Variants in TRPM3 observed in about 807,000 individuals in gnomAD.
TRPM3 encodes long transient receptor potential channel 3.
In TRPM3, 77 loss-of-function variants were observed where a neutral mutation model predicts 181.2. The ratio of observed to expected loss-of-function variants is 0.42; its 90% confidence interval spans 0.35 to 0.51. The LOEUF is 0.51. Ranked by LOEUF, TRPM3 falls within the 20% of genes least tolerant of loss-of-function variation. TRPM3 has a pLI of 0.01. For synonymous variants in TRPM3, 745 were observed against 796.4 expected, an observed-to-expected ratio of 0.94 and a Z score of 1.09; for missense variants, 1,759 against 2,196.7, an observed-to-expected ratio of 0.80 and a Z score of 3.98.
intron 1 of TRPM3, among the ~76,000 whole-genome samples, chr9:71,149,362 T>C (rs982009217): frequency 1.3e-5 from 2 of 152,064 alleles, no homozygotes; most frequent in Admixed American, 1.3e-4. Context: ...ATGATCATGC[T>C]ACTACACTCC....
intron 1 of TRPM3, among the ~76,000 whole-genome samples, chr9:71,078,178 C>T (rs1223891290): frequency 6.6e-6 from 1 of 151,994 alleles, no homozygotes; most frequent in Admixed American, 6.6e-5. Flanking sequence ...ATCTAGAAAC[C>T]ATCCTCTTTA....
At chr9:71,199,194 G>C (rs2078610055) in intron 1 of TRPM3, among the ~76,000 whole-genome samples, 1 of 151,178 alleles carries the variant, frequency 6.6e-6, no homozygotes, top group African/African-American at 2.4e-5. Context: ...TGCGTATATT[G>C]AGCCAGCCTT....
chr9:70,825,893 T>C (rs139416925), intron 6 of TRPM3: 19 of 152,408 alleles, frequency 1.2e-4, no homozygotes, highest in East Asian at 1.9e-4. Flanking sequence ...AAACCTAGGC[T>C]CTGGCTGGGG....
At chr9:70,567,201 C>A (rs1273028518) in intron 22 of TRPM3, among the ~76,000 whole-genome samples, 3 of 152,188 alleles carry the variant, frequency 2.0e-5, no homozygotes, top group Non-Finnish European at 4.4e-5. Context: ...GAAGCTATAG[C>A]CAGAGGTTAA....
chr9:71,258,978 G>A (rs1176063741), intron 1 of TRPM3, among the ~76,000 whole-genome samples: 1 of 152,058 alleles, frequency 6.6e-6, no homozygotes, highest in Non-Finnish European at 1.5e-5. Flanking sequence ...ATGTGCCATG[G>A]TGGTTTGATG....
chr9:70,936,365 G>A (rs1021995665), intron 1 of TRPM3, among the ~76,000 whole-genome samples: 3 of 152,192 alleles, frequency 2.0e-5, no homozygotes, highest in Non-Finnish European at 4.4e-5. Flanking sequence ...TTTCCTTGAA[G>A]GGTGAGATTT....
At chr9:71,438,212 G>A (rs1335862282) in intron 1 of TRPM3, among the ~76,000 whole-genome samples, 1 of 152,146 alleles carries the variant, frequency 6.6e-6, no homozygotes, top group Non-Finnish European at 1.5e-5. Context: ...GATCAGGAGA[G>A]GGAAAACCAT....
At chr9:70,836,604 C>T (rs1299038761) in intron 5 of TRPM3, among the ~76,000 whole-genome samples, 1 of 152,188 alleles carries the variant, frequency 6.6e-6, no homozygotes, top group Non-Finnish European at 1.5e-5. Context: ...CAGAAGCACA[C>T]TCTTCTTTTG....
At chr9:71,211,993 C>T (rs990445092) in intron 1 of TRPM3, among the ~76,000 whole-genome samples, 1 of 152,164 alleles carries the variant, frequency 6.6e-6, no homozygotes, top group Admixed American at 6.5e-5. Context: ...GTAATGGATT[C>T]CACCAGGCCC....
chr9:71,198,447 A>G (rs183471830), intron 1 of TRPM3, among the ~76,000 whole-genome samples: 3,489 of 152,224 alleles, frequency 0.023, 64 homozygotes, highest in Non-Finnish European at 0.032. Context: ...CATTAAATCT[A>G]TAAATTACCT....
intron 1 of TRPM3, among the ~76,000 whole-genome samples, chr9:71,080,207 T>TAAATAAATAAAAAAATAAA (rs1396432862): frequency 6.9e-6 from 1 of 145,754 alleles, no homozygotes; most frequent in African/African-American, 2.5e-5. Context: ...AATAAATAAA[T>TAAATAAATAAAAAAATAAA]AAAATAAAAA....
intron 8 of TRPM3, among the ~76,000 whole-genome samples, chr9:70,755,774 G>A (rs2076973634): frequency 6.6e-6 from 1 of 152,114 alleles, no homozygotes; most frequent in African/African-American, 2.4e-5. Context: ...AGCAAATGCT[G>A]GGAGATTTTG....
intron 1 of TRPM3, among the ~76,000 whole-genome samples, chr9:71,111,294 A>G (rs951643132): frequency 6.6e-6 from 1 of 152,164 alleles, no homozygotes; most frequent in African/African-American, 2.4e-5. Flanking sequence ...TTCCCTTCCT[A>G]TCACTAGGAA....
intron 1 of TRPM3, among the ~76,000 whole-genome samples, chr9:71,266,033 C>T (rs2083373989): frequency 6.6e-6 from 1 of 152,200 alleles, no homozygotes; most frequent in South Asian, 2.1e-4. Flanking sequence ...AGGTGTCTGT[C>T]TCCAGTTCCA....
chr9:70,833,947 T>G (rs1167320724), intron 5 of TRPM3, among the ~76,000 whole-genome samples: 1 of 151,882 alleles, frequency 6.6e-6, no homozygotes, highest in Non-Finnish European at 1.5e-5. Context: ...AAGGAACCTC[T>G]GCGTCTGAGA....
chr9:71,036,592 T>C (rs758158953), intron 1 of TRPM3, among the ~76,000 whole-genome samples: 1 of 152,218 alleles, frequency 6.6e-6, no homozygotes, highest in Non-Finnish European at 1.5e-5. Context: ...CACAATATTT[T>C]TGAAGGAATA....
intron 1 of TRPM3, among the ~76,000 whole-genome samples, chr9:71,204,753 C>T (rs1226141685): frequency 6.6e-6 from 1 of 152,150 alleles, no homozygotes; most frequent in African/African-American, 2.4e-5. Context: ...GCTATAAAGA[C>T]ACATGCACAC....
At chr9:71,033,094 G>C (rs1006230290) in intron 1 of TRPM3, among the ~76,000 whole-genome samples, 2 of 152,230 alleles carry the variant, frequency 1.3e-5, no homozygotes, top group Non-Finnish European at 2.9e-5. Flanking sequence ...GCTGGGGCTT[G>C]TAGCCCTTGA....
At chr9:71,420,176 T>C (rs961835452) in intron 1 of TRPM3, among the ~76,000 whole-genome samples, 1 of 151,912 alleles carries the variant, frequency 6.6e-6, no homozygotes, top group Non-Finnish European at 1.5e-5. Context: ...ATCTGAGATA[T>C]CATGAGGTGC....
Sources: gnomAD v4.1 joint callset for allele counts (sites outside exome capture counted in the v4.1 genomes callset) on GRCh38, gnomAD v4.1.1 for gene constraint, MANE v1.5 for transcripts, NCBI Gene and HGNC (gene_info 2026-07-23, HGNC 2026-07-21) for gene names.